Variants in NRG3 observed in about 807,000 individuals in gnomAD.
The protein encoded by NRG3 is neuregulin 3, also known as pro-neuregulin-3, membrane-bound isoform.
In NRG3, 31 loss-of-function variants were observed where a neutral mutation model predicts 66.9. The ratio of observed to expected loss-of-function variants is 0.46; its 90% CI spans 0.35 to 0.63. The LOEUF is 0.63. NRG3 is among the 20% of genes least tolerant of loss of function. The probability of loss-of-function intolerance (pLI) is 0.00; values close to 1 mark genes in which losing one functional copy is unlikely to be tolerated. For missense variants in NRG3, 910 were observed against 878.9 expected (o/e 1.04, Z -0.45); for synonymous variants, 393 against 359.4 (o/e 1.09, Z -1.06).
At chr10:82,170,486 C>T (rs1277301902) in intron 1 of NRG3, among the ~76,000 whole-genome samples, 1 of 151,454 alleles carries the variant, frequency 6.6e-6, no homozygotes, top group East Asian at 1.9e-4. Flanking sequence ...TTTATTTTCT[C>T]CATGAAAATC....
chr10:82,129,259 G>C (rs968879859), intron 1 of NRG3, among the ~76,000 whole-genome samples: 1 of 149,712 alleles, frequency 6.7e-6, no homozygotes, highest in Non-Finnish European at 1.5e-5. Flanking sequence ...CAGTATTCCT[G>C]TAAAAACCAC....
At chr10:82,824,967 C>T (rs2062131001) in intron 3 of NRG3, among the ~76,000 whole-genome samples, 1 of 152,164 alleles carries the variant, frequency 6.6e-6, no homozygotes, top group Admixed American at 6.6e-5. Flanking sequence ...CTTCCTCAGC[C>T]TCCCAAAGTG....
At chr10:82,815,263 C>A (rs1410470252) in intron 3 of NRG3, among the ~76,000 whole-genome samples, 5 of 152,146 alleles carry the variant, frequency 3.3e-5, no homozygotes, top group African/African-American at 1.2e-4. Flanking sequence ...CAGTTAAACT[C>A]AGGACCTCCC....
chr10:81,922,309 G>T (rs1286757934), intron 1 of NRG3, among the ~76,000 whole-genome samples: 1 of 152,074 alleles, frequency 6.6e-6, no homozygotes, highest in Non-Finnish European at 1.5e-5. Flanking sequence ...GTGCAGTTTT[G>T]TTACATAGAT....
At chr10:82,910,831 G>A (rs1845245617) in intron 4 of NRG3, among the ~76,000 whole-genome samples, 2 of 152,188 alleles carry the variant, frequency 1.3e-5, no homozygotes, top group South Asian at 4.1e-4. Flanking sequence ...GTATGGAAGG[G>A]TTTCAAAAGG....
rs375783912 is a variant in NRG3, at chr10:82,682,998, G to A, written c.954-55579G>A. Among the ~76,000 whole-genome samples the A allele has an allele frequency of 5.4e-4, 60 of 111,716 alleles. No homozygotes were observed. In the East Asian group the frequency reaches 7.9e-3, roughly 15 times the overall value. The allele number at this position is 111,716 out of a possible 152,430, so 73.3% of individuals were successfully genotyped here. ...TTCTGAGACAGAGTCTCACTCTGTCGCCCAGGCTGGAGTGCAGTGGCACGA... is the reference window on the plus strand; with the variant it reads ...TTCTGAGACAGAGTCTCACTCTGTCACCCAGGCTGGAGTGCAGTGGCACGA... On this transcript the variant is annotated intron_variant, in intron 2 of 8. Coordinates refer to ENST00000372141, the MANE Select transcript of NRG3 (RefSeq NM_001010848.4).
At chr10:82,464,744 C>T (rs916328504) in intron 2 of NRG3, among the ~76,000 whole-genome samples, 5 of 152,180 alleles carry the variant, frequency 3.3e-5, no homozygotes, top group African/African-American at 7.2e-5. Flanking sequence ...ATAGGAGCTG[C>T]ATCAATCAAT....
chr10:82,054,794 C>T lies in NRG3; in HGVS notation c.823+178631C>T, dbSNP rs141803852. Among the ~76,000 whole-genome samples, 166 of 151,866 alleles carry T rather than the reference C, an allele frequency of 1.1e-3. 1 individual carries two copies. In the East Asian group the frequency reaches 0.031, roughly 29 times the overall value. On this transcript the variant is annotated intron_variant, in intron 1 of 8. Coordinates refer to ENST00000372141, the MANE Select transcript of NRG3 (RefSeq NM_001010848.4). Reference sequence around the variant, plus strand: ...GCTGAGCCAGGAGGATCTCTTGAGCCCACGAGTTAGAGACCAGCCTAGGAA... The same window carrying T: ...GCTGAGCCAGGAGGATCTCTTGAGCTCACGAGTTAGAGACCAGCCTAGGAA...
chr10:82,589,138 G>T (rs114109216), intron 2 of NRG3, among the ~76,000 whole-genome samples: 360 of 152,186 alleles, frequency 2.4e-3, no homozygotes, highest in African/African-American at 8.2e-3. Flanking sequence ...TTCTCTCCCA[G>T]ATCCTGCTTG....
At chr10:81,898,196 G>T (rs1294624170) in intron 1 of NRG3, among the ~76,000 whole-genome samples, 2 of 152,150 alleles carry the variant, frequency 1.3e-5, no homozygotes, top group African/African-American at 4.8e-5. Context: ...CTTTGGAGAA[G>T]AAAAAGGAAG....
chr10:82,125,064 A>G (rs2068347074), intron 1 of NRG3, among the ~76,000 whole-genome samples: 1 of 152,078 alleles, frequency 6.6e-6, no homozygotes, highest in Non-Finnish European at 1.5e-5. Context: ...TTTGCTGTCA[A>G]ATCGCCTCAT....
chr10:82,514,132 G>T (rs1845443011), intron 2 of NRG3, among the ~76,000 whole-genome samples: 1 of 152,140 alleles, frequency 6.6e-6, no homozygotes, highest in African/African-American at 2.4e-5. Context: ...TTCCCATTCT[G>T]TAGGTTGTCT....
chr10:82,201,181 AGT>A (rs1305954561), intron 1 of NRG3, among the ~76,000 whole-genome samples: 1 of 123,602 alleles, frequency 8.1e-6, no homozygotes, highest in African/African-American at 3.2e-5. Flanking sequence ...CTGGTGACAG[AGT>A]GAGACTCTGT....
intron 1 of NRG3, among the ~76,000 whole-genome samples, chr10:82,048,536 G>A (rs1194568043): frequency 6.6e-5 from 10 of 150,460 alleles, no homozygotes; most frequent in Non-Finnish European, 1.3e-4. Flanking sequence ...AAATAAAGAT[G>A]TTCTTTGAAA....
chr10:82,813,087 T>G (rs750289540), intron 3 of NRG3, among the ~76,000 whole-genome samples: 23 of 152,130 alleles, frequency 1.5e-4, no homozygotes, highest in Non-Finnish European at 2.2e-4. Context: ...TGTGCTCATA[T>G]CACTCATGGC....
chr10:82,843,419 C>G (rs2063158260), intron 3 of NRG3, among the ~76,000 whole-genome samples: 1 of 152,172 alleles, frequency 6.6e-6, no homozygotes, highest in Non-Finnish European at 1.5e-5. Flanking sequence ...CCTAGACTTT[C>G]CAGTCTCCAG....
intron 2 of NRG3, among the ~76,000 whole-genome samples, chr10:82,399,847 T>A (rs573543937): frequency 6.6e-6 from 1 of 152,326 alleles, no homozygotes; most frequent in African/African-American, 2.4e-5. Flanking sequence ...TGTTGGCACA[T>A]AGGCATTTGC....
In NRG3 at chr10:82,865,518, G is replaced by C. The variant is rs1378882281; in HGVS notation, c.1054+81G>C. ...TACATAGTGCTTTCCTTCTCCATCT[G>C]GTTATAATTGAAATGTCTCATTATC... On this transcript the variant is annotated intron_variant, in intron 4 of 8. Coordinates refer to ENST00000372141, the MANE Select transcript of NRG3 (RefSeq NM_001010848.4). The C allele has an allele frequency of 3.6e-6, 5 of 1,379,336 alleles. No individual in the cohort carries two copies. In the East Asian group the frequency reaches 1.2e-4, roughly 33 times the overall value. The allele number at this position is 1,379,336 out of a possible 1,614,324, so 85.4% of individuals were successfully genotyped here.
chr10:82,680,972 G>T (rs1051226839), intron 2 of NRG3, among the ~76,000 whole-genome samples: 2 of 152,192 alleles, frequency 1.3e-5, no homozygotes, highest in African/African-American at 4.8e-5. Context: ...CCACAGGGCA[G>T]GTTTACTTCT....
Sources: allele counts gnomAD v4.1 joint callset (sites outside exome capture counted in the v4.1 genomes callset), GRCh38; gene constraint gnomAD v4.1.1; transcripts MANE v1.5; gene names NCBI Gene and HGNC (gene_info 2026-07-23, HGNC 2026-07-21).